MARCHF1: variants seen among roughly 807,000 people sequenced by gnomAD.
MARCHF1 encodes membrane associated ring-CH-type finger 1, also known as E3 ubiquitin-protein ligase MARCHF1.
In MARCHF1, 40 loss-of-function variants were observed where a neutral mutation model predicts 54.2. The ratio of observed to expected loss-of-function variants is 0.74; its 90% CI spans 0.57 to 0.96. MARCHF1 has a LOEUF of 0.96. Ranked by LOEUF, MARCHF1 falls within the 40% of genes least tolerant of loss-of-function variation. The pLI, the probability that MARCHF1 is intolerant of heterozygous loss-of-function variation, is 0.00. For synonymous variants in MARCHF1, 236 were observed against 236.3 expected (o/e 1.00, Z 0.01); for missense variants, 586 against 656.5 (o/e 0.89, Z 1.17).
At chr4:164,278,424 C>T (rs1030900021) in intron 1 of MARCHF1, among the ~76,000 whole-genome samples, 4 of 152,188 alleles carry the variant, frequency 2.6e-5, no homozygotes, top group African/African-American at 9.6e-5. Context: ...ATCAACTTGA[C>T]TAACAAAATT....
chr4:164,008,901 T>A (rs1437957408), intron 2 of MARCHF1, among the ~76,000 whole-genome samples: 1 of 151,424 alleles, frequency 6.6e-6, no homozygotes, highest in Non-Finnish European at 1.5e-5. Flanking sequence ...ATAAACAACC[T>A]AATAATGCAC....
intron 3 of MARCHF1, among the ~76,000 whole-genome samples, chr4:163,909,745 A>G (rs139392253): frequency 3.2e-4 from 48 of 152,324 alleles, no homozygotes; most frequent in African/African-American, 1.1e-3. Flanking sequence ...AAAATTGGGT[A>G]ATCCAGCTTA....
chr4:163,694,885 T>A (rs1220777748), intron 5 of MARCHF1, among the ~76,000 whole-genome samples: 2 of 152,118 alleles, frequency 1.3e-5, no homozygotes, highest in Non-Finnish European at 2.9e-5. Flanking sequence ...CCTTGAATAA[T>A]TAAACTAAAT....
At chr4:163,875,406 G>GT (rs1750267306) in intron 3 of MARCHF1, among the ~76,000 whole-genome samples, 1 of 152,058 alleles carries the variant, frequency 6.6e-6, no homozygotes. Flanking sequence ...TTAATAGTCT[G>GT]TCACAATTTC....
chr4:164,189,789 A>G, intron 1 of MARCHF1: 1 of 1,545,528 alleles, frequency 6.5e-7, no homozygotes, highest in South Asian at 1.1e-5. Context: ...ATGACCCCTG[A>G]CAAAAGACAT....
rs777760261 is a variant in MARCHF1 at position 164,313,327 on chromosome 4, T to C, written c.-323+70543A>G. Among the ~76,000 whole-genome samples the C allele has an allele frequency of 4.1e-3, 546 of 134,286 alleles. 9 individuals are homozygous for C. The highest frequency in any genetic ancestry group is 0.012 in the Middle Eastern group (3 of 242). The allele number at this position is 134,286 out of a possible 152,430, so 88.1% of individuals were successfully genotyped here. A position where few individuals can be genotyped will look rare whatever the true frequency, so the allele number is the denominator to read the frequency against. ...TCGTGCCACTGCACTCCAGCCTGGG[T>C]GGCAGAGCAAGACTCTGTCTCAAAA... On this transcript the variant is annotated intron_variant, in intron 1 of 9. Transcript: ENST00000514618.
chr4:164,172,675 C>T (rs1303871217), intron 1 of MARCHF1, among the ~76,000 whole-genome samples: 1 of 152,102 alleles, frequency 6.6e-6, no homozygotes, highest in African/African-American at 2.4e-5. Context: ...TATAAAAGGA[C>T]ACTTTAAAAA....
At chr4:163,909,777 T>G (rs1199591103) in intron 3 of MARCHF1, among the ~76,000 whole-genome samples, 2 of 152,172 alleles carry the variant, frequency 1.3e-5, no homozygotes, top group Non-Finnish European at 2.9e-5. Context: ...TTCATATTTT[T>G]TATCAATCAT....
chr4:163,949,252 G>A (rs769720791), intron 3 of MARCHF1, among the ~76,000 whole-genome samples: 4 of 152,238 alleles, frequency 2.6e-5, no homozygotes, highest in African/African-American at 7.2e-5. Context: ...CTGCACAGGT[G>A]CCAGCTCCCT....
At chr4:164,242,230 C>T (rs1268276542) in intron 1 of MARCHF1, among the ~76,000 whole-genome samples, 2 of 142,588 alleles carry the variant, frequency 1.4e-5, no homozygotes, top group African/African-American at 5.3e-5. Flanking sequence ...ATGTCCCTGT[C>T]TGACAGCTTT....
chr4:163,750,693 G>A (rs1746497004), intron 4 of MARCHF1, among the ~76,000 whole-genome samples: 1 of 152,066 alleles, frequency 6.6e-6, no homozygotes, highest in Admixed American at 6.5e-5. Context: ...ATTTTATGAA[G>A]TTAGCATAAC....
At chr4:163,857,133 G>A (rs1490054114) in intron 3 of MARCHF1, among the ~76,000 whole-genome samples, 4 of 149,202 alleles carry the variant, frequency 2.7e-5, no homozygotes, top group African/African-American at 7.3e-5. Flanking sequence ...AGGAAAGACC[G>A]TTGCCTTAAA....
intron 4 of MARCHF1, among the ~76,000 whole-genome samples, chr4:163,820,105 T>C (rs1748650290): frequency 6.6e-6 from 1 of 152,096 alleles, no homozygotes; most frequent in Non-Finnish European, 1.5e-5. Context: ...ACTTATAGTC[T>C]GTATTTTCTT....
intron 2 of MARCHF1, among the ~76,000 whole-genome samples, chr4:164,048,696 G>A (rs1373723162): frequency 6.6e-6 from 1 of 152,048 alleles, no homozygotes; most frequent in Non-Finnish European, 1.5e-5. Context: ...CGTTTCCTTG[G>A]AAATTTTGTT....
At chr4:163,779,402 T>C (rs1579280517) in intron 4 of MARCHF1, among the ~76,000 whole-genome samples, 1 of 152,230 alleles carries the variant, frequency 6.6e-6, no homozygotes, top group Non-Finnish European at 1.5e-5. Context: ...AGCAAAGTTA[T>C]AGGTTTAATT....
intron 1 of MARCHF1, among the ~76,000 whole-genome samples, chr4:164,289,419 T>C (rs1734231552): frequency 6.6e-6 from 1 of 151,946 alleles, no homozygotes; most frequent in African/African-American, 2.4e-5. Context: ...AAACCTGAAA[T>C]ACATTAATCA....
chr4:163,658,060 T>G (rs1561002671), intron 5 of MARCHF1, among the ~76,000 whole-genome samples: 1 of 151,400 alleles, frequency 6.6e-6, no homozygotes, highest in African/African-American at 2.4e-5. Flanking sequence ...AAAATTGATC[T>G]AATTAAACCA....
chr4:164,245,195 T>C (rs1346002913), intron 1 of MARCHF1, among the ~76,000 whole-genome samples: 1 of 152,158 alleles, frequency 6.6e-6, no homozygotes, highest in South Asian at 2.1e-4. Flanking sequence ...TGAACATTGA[T>C]GCAAAAATCC....
intron 7 of MARCHF1, among the ~76,000 whole-genome samples, chr4:163,589,383 T>C (rs1427947485): frequency 6.6e-6 from 1 of 152,082 alleles, no homozygotes; most frequent in Admixed American, 6.6e-5. Flanking sequence ...TTATTTCCCA[T>C]AGGGAAAATC....
Sources: gnomAD v4.1 joint callset for allele counts (sites outside exome capture counted in the v4.1 genomes callset) on GRCh38, gnomAD v4.1.1 for gene constraint, MANE v1.5 for transcripts, NCBI Gene and HGNC (gene_info 2026-07-23, HGNC 2026-07-21) for gene names.